The following PRRC2C variants were observed in gnomAD, a reference collection of about 807,000 sequenced individuals.
The protein encoded by PRRC2C is protein PRRC2C.
Under a neutral mutation model 317.2 loss-of-function variants are expected in PRRC2C, and 72 were observed. The observed-to-expected ratio is 0.23, with a 90% CI of 0.19 to 0.28. The LOEUF (loss-of-function observed/expected upper bound fraction) is 0.28. Ranked by LOEUF, PRRC2C falls within the 10% of genes least tolerant of loss-of-function variation. The probability of loss-of-function intolerance (pLI) is 1.00; values close to 1 mark genes in which losing one functional copy is unlikely to be tolerated. For synonymous variants in PRRC2C, 1,296 were observed against 1,205.9 expected (o/e 1.07, Z -1.55); for missense variants, 3,074 against 3,459.7 (o/e 0.89, Z 2.80).
intron 1 of PRRC2C, chr1:171,509,781 T>A (rs1357003917): frequency 6.6e-6 from 1 of 151,468 alleles, no homozygotes; most frequent in Non-Finnish European, 1.5e-5. Flanking sequence ...AGAATTTTCA[T>A]TTTTATCCTA....
intron 28 of PRRC2C, among the ~76,000 whole-genome samples, chr1:171,580,994 C>T (rs903314010): frequency 6.6e-6 from 1 of 152,174 alleles, no homozygotes; most frequent in African/African-American, 2.4e-5. Flanking sequence ...AAGCCAGGTT[C>T]AGCTAATGAA....
At chr1:171,558,216 T>C (rs1681819562) in intron 19 of PRRC2C, 73 bp downstream of exon 19, 32 of 1,450,614 alleles carry the variant, frequency 2.2e-5, no homozygotes, top group South Asian at 1.6e-4. Context: ...ATTTTATTTA[T>C]ATACTCTTTA....
At chr1:171,545,039 A>AT (rs1275714244) in intron 16 of PRRC2C, among the ~76,000 whole-genome samples, 6 of 152,186 alleles carry the variant, frequency 3.9e-5, no homozygotes, top group Non-Finnish European at 8.8e-5. Flanking sequence ...ATCTGATTAC[A>AT]TTTTTTTAAA....
At chr1:171,569,447 C>G (rs989495019) in intron 23 of PRRC2C, among the ~76,000 whole-genome samples, 2 of 150,656 alleles carry the variant, frequency 1.3e-5, no homozygotes, top group Non-Finnish European at 3.0e-5. Context: ...AAATATGTAG[C>G]TGAGAAAAGG....
At chr1:171,579,523 A>G (rs1648023770) in intron 27 of PRRC2C, 57 bp downstream of exon 27, 8 of 1,578,848 alleles carry the variant, frequency 5.1e-6, no homozygotes, top group Non-Finnish European at 6.9e-6. Context: ...CTGTGGTTAT[A>G]ATAGTTATCT....
At chr1:171,509,699 T>TC (rs991716730) in intron 1 of PRRC2C, 1 of 152,048 alleles carries the variant, frequency 6.6e-6, no homozygotes, top group African/African-American at 2.4e-5. Context: ...TCTTAGTCAA[T>TC]CTGGAAGACT....
intron 1 of PRRC2C, among the ~76,000 whole-genome samples, chr1:171,486,914 G>A (rs1666235773): frequency 6.6e-6 from 1 of 152,180 alleles, no homozygotes; most frequent in Non-Finnish European, 1.5e-5. Flanking sequence ...ATTTTTAGGT[G>A]TGTGTCACAG....
At chr1:171,530,199 A>G (rs1488021103) in intron 11 of PRRC2C, among the ~76,000 whole-genome samples, 1 of 151,910 alleles carries the variant, frequency 6.6e-6, no homozygotes, top group Non-Finnish European at 1.5e-5. Flanking sequence ...TATGTTACAG[A>G]AAAAAATATT....
At chr1:171,584,886 C>T (rs1351987319) in intron 30 of PRRC2C, among the ~76,000 whole-genome samples, 5 of 152,108 alleles carry the variant, frequency 3.3e-5, no homozygotes, top group African/African-American at 7.2e-5. Flanking sequence ...ATCCTTGCAC[C>T]GCAGCCTCCT....
At chr1:171,497,795 A>C (rs1192666235) in intron 1 of PRRC2C, among the ~76,000 whole-genome samples, 1 of 151,606 alleles carries the variant, frequency 6.6e-6, no homozygotes, top group Non-Finnish European at 1.5e-5. Flanking sequence ...ACGTTATACT[A>C]TATCTTTGGA....
At chr1:171,488,675 G>A (rs780843927) in intron 1 of PRRC2C, among the ~76,000 whole-genome samples, 1 of 152,158 alleles carries the variant, frequency 6.6e-6, no homozygotes. Flanking sequence ...TTATCAGAAA[G>A]CATGTTTTGG....
rs533212102 is a variant in PRRC2C at position 171,562,226 on chromosome 1, G to C, written c.6117+1123G>C. Among the ~76,000 whole-genome samples, 9 of 152,316 alleles carry C rather than the reference G, an allele frequency of 5.9e-5. No homozygotes were observed. In the South Asian group the frequency reaches 1.9e-3, roughly 32 times the overall value. ...ATAATAGCAAATATGAATGCCATGAGACAGGAGCACACTTGGTTTGTTTGA... is the reference window on the plus strand; with the variant it reads ...ATAATAGCAAATATGAATGCCATGACACAGGAGCACACTTGGTTTGTTTGA... On this transcript the variant is annotated intron_variant, in intron 20 of 34. Coordinates refer to ENST00000647382, the MANE Select transcript of PRRC2C (RefSeq NM_001387844.1).
intron 26 of PRRC2C, among the ~76,000 whole-genome samples, chr1:171,578,638 C>T (rs187423359): frequency 6.6e-6 from 1 of 152,286 alleles, no homozygotes; most frequent in Non-Finnish European, 1.5e-5. Flanking sequence ...GAGGCTGAGG[C>T]GGGCAGATCA....
At chr1:171,570,587 A>G (rs1051370753) in intron 23 of PRRC2C, among the ~76,000 whole-genome samples, 36 of 152,216 alleles carry the variant, frequency 2.4e-4, no homozygotes, top group African/African-American at 8.4e-4. Context: ...CGAACCATCC[A>G]AAACGTAATA....
chr1:171,577,820 C>G (rs1647420687), intron 26 of PRRC2C, among the ~76,000 whole-genome samples, 183 bp downstream of exon 26: 1 of 141,076 alleles, frequency 7.1e-6, no homozygotes, highest in African/African-American at 2.6e-5. Flanking sequence ...CTCTGTTGCC[C>G]AGGCTGGATT....
intron 23 of PRRC2C, among the ~76,000 whole-genome samples, chr1:171,569,044 A>G (rs1684213232): frequency 6.6e-6 from 1 of 152,160 alleles, no homozygotes; most frequent in African/African-American, 2.4e-5. Context: ...TAGCCCAGAA[A>G]CATTAGGTAG....
At chr1:171,514,700 A>G (rs1672016337) in intron 4 of PRRC2C, 55 bp downstream of exon 4, 8 of 1,394,850 alleles carry the variant, frequency 5.7e-6, no homozygotes, top group Non-Finnish European at 8.0e-6. Flanking sequence ...CTGAACAGCC[A>G]TGCAGGAGAT....
At chr1:171,569,111 A>G (rs982801607) in intron 23 of PRRC2C, among the ~76,000 whole-genome samples, 1 of 152,144 alleles carries the variant, frequency 6.6e-6, no homozygotes, top group African/African-American at 2.4e-5. Flanking sequence ...AGTTACTTGC[A>G]TGGTCCTTAT....
intron 25 of PRRC2C, among the ~76,000 whole-genome samples, chr1:171,576,792 A>T (rs973037716): frequency 6.6e-6 from 1 of 152,230 alleles, no homozygotes. Flanking sequence ...TCCTGGGTTC[A>T]AGCAATCCTT....
Sources: allele counts gnomAD v4.1 joint callset (sites outside exome capture counted in the v4.1 genomes callset), GRCh38; gene constraint gnomAD v4.1.1; transcripts MANE v1.5; gene names NCBI Gene and HGNC (gene_info 2026-07-23, HGNC 2026-07-21).